GAD2: variants seen among roughly 807,000 people sequenced by gnomAD.
GAD2 encodes the protein glutamate decarboxylase 2.
GAD2 carries 22 observed loss-of-function variants against 80.1 expected under a neutral mutation model. That is an observed-to-expected ratio of 0.27 (90% confidence interval 0.20 to 0.39). The LOEUF (loss-of-function observed/expected upper bound fraction) is 0.39. Ranked by LOEUF, GAD2 falls within the 10% of genes least tolerant of loss-of-function variation. The pLI is 1.00. For synonymous variants in GAD2, 274 were observed against 256.9 expected, an observed-to-expected ratio of 1.07 and a Z score of -0.64; for missense variants, 624 against 738.4, an observed-to-expected ratio of 0.85 and a Z score of 1.80.
At chr10:26,273,866 A>C (rs977159514) in intron 11 of GAD2, among the ~76,000 whole-genome samples, 166 bp downstream of exon 11, 1 of 152,232 alleles carries the variant, frequency 6.6e-6, no homozygotes, top group Non-Finnish European at 1.5e-5. Context: ...GTGGGTAAAC[A>C]ACAGAAAAAT....
At chr10:26,235,543 T>C (rs1012611263) in intron 7 of GAD2, among the ~76,000 whole-genome samples, 1 of 152,178 alleles carries the variant, frequency 6.6e-6, no homozygotes, top group Non-Finnish European at 1.5e-5. Flanking sequence ...AAGACTAAAT[T>C]AAACAACTAG....
chr10:26,219,262 A>G lies in GAD2; in HGVS notation c.506A>G (p.Tyr169Cys). ...ATGCATTGCCAAACAACTCTAAAAT[A>G]TGCAATTAAAACAGGTATTGTCTCA... ...ILMHCQTTLKYAIKTGHPRYF... is the reference protein window; with the variant it reads ...ILMHCQTTLKCAIKTGHPRYF... The change falls in exon 4 of 16, where the codon TAT becomes TGT. Residue 169 changes from tyrosine (Y) to cysteine (C), a missense_variant. Physicochemically the swap from Tyr to Cys is radical, Grantham distance 194. Transcript: ENST00000376261. The G allele has an allele frequency of 6.2e-7, 1 of 1,604,904 alleles. No individual in the cohort carries two copies.
At chr10:26,221,077 C>A (rs1043652460) in intron 4 of GAD2, among the ~76,000 whole-genome samples, 2 of 152,180 alleles carry the variant, frequency 1.3e-5, no homozygotes, top group African/African-American at 2.4e-5. Context: ...TGGCCTTTTC[C>A]TTCAAATAGC....
chr10:26,296,232 C>G (rs1206262181), intron 15 of GAD2, among the ~76,000 whole-genome samples: 1 of 152,092 alleles, frequency 6.6e-6, no homozygotes, highest in Non-Finnish European at 1.5e-5. Context: ...GGCCCTATCT[C>G]CTAATATCAT....
chr10:26,222,915 A>C (rs967131466), intron 4 of GAD2, among the ~76,000 whole-genome samples: 2 of 152,234 alleles, frequency 1.3e-5, no homozygotes, highest in Admixed American at 1.3e-4. Context: ...ATCAGATGCT[A>C]TTTCCACAAT....
intron 13 of GAD2, among the ~76,000 whole-genome samples, chr10:26,289,408 C>T (rs11015028): frequency 0.23 from 35,699 of 151,970 alleles, 4,694 homozygotes; most frequent in African/African-American, 0.35. Flanking sequence ...TAAGATAAAC[C>T]CCATGAGAAA....
At chr10:26,218,038 G>A (rs1415327076) in intron 3 of GAD2, 47 bp downstream of exon 3, 1 of 1,528,160 alleles carries the variant, frequency 6.5e-7, no homozygotes, top group South Asian at 1.3e-5. Flanking sequence ...CCCTCTCTCT[G>A]CCCCGCCCAC....
intron 7 of GAD2, among the ~76,000 whole-genome samples, chr10:26,231,682 A>C (rs1169952763): frequency 6.6e-6 from 1 of 152,202 alleles, no homozygotes; most frequent in Non-Finnish European, 1.5e-5. Flanking sequence ...GTATTACCTT[A>C]TAGTTCTGGG....
chr10:26,291,622 C>T (rs994868347), intron 13 of GAD2, among the ~76,000 whole-genome samples: 3 of 152,176 alleles, frequency 2.0e-5, no homozygotes, highest in African/African-American at 7.2e-5. Flanking sequence ...GGAGAAGTTA[C>T]TGGTAGGCAG....
intron 15 of GAD2, among the ~76,000 whole-genome samples, chr10:26,293,193 T>TTTC (rs869296197): frequency 0.17 from 23,106 of 136,914 alleles, 1,963 homozygotes; most frequent in East Asian, 0.23. Flanking sequence ...TTTTTTTTTT[T>TTTC]TTGAGATGGA....
intron 13 of GAD2, 137 bp from the exon 14 acceptor site, chr10:26,292,328 C>T: frequency 1.6e-6 from 1 of 628,666 alleles, no homozygotes; most frequent in Non-Finnish European, 2.8e-6. Flanking sequence ...CTGAAAAAGC[C>T]TTTGGAAACA....
At chr10:26,243,142 C>A (rs1844764081) in intron 7 of GAD2, among the ~76,000 whole-genome samples, 1 of 152,072 alleles carries the variant, frequency 6.6e-6, no homozygotes, top group Admixed American at 6.6e-5. Context: ...TAATGACTGT[C>A]CACTTTGTCA....
At chr10:26,283,208 G>A (rs529490550) in intron 12 of GAD2, among the ~76,000 whole-genome samples, 3 of 152,298 alleles carry the variant, frequency 2.0e-5, no homozygotes, top group East Asian at 1.9e-4. Flanking sequence ...TGTAGCATTC[G>A]AAATATTCAC....
At chr10:26,244,249 G>A (rs1447878791) in intron 7 of GAD2, among the ~76,000 whole-genome samples, 1 of 152,214 alleles carries the variant, frequency 6.6e-6, no homozygotes, top group Non-Finnish European at 1.5e-5. Flanking sequence ...TGGTGAGGAT[G>A]TGGAGAAATT....
intron 11 of GAD2, among the ~76,000 whole-genome samples, chr10:26,276,330 C>G (rs1328139691): frequency 6.6e-6 from 1 of 152,074 alleles, no homozygotes; most frequent in Non-Finnish European, 1.5e-5. Flanking sequence ...ACGCCACAAA[C>G]CCTGAGACTC....
chr10:26,247,103 T>A (rs1201196577), intron 8 of GAD2, among the ~76,000 whole-genome samples: 2 of 152,242 alleles, frequency 1.3e-5, no homozygotes, highest in African/African-American at 4.8e-5. Context: ...AAAGAATGGC[T>A]ACTTCATAGA....
chr10:26,298,289 C>T (rs1457985545), intron 15 of GAD2, among the ~76,000 whole-genome samples: 1 of 152,180 alleles, frequency 6.6e-6, no homozygotes. Context: ...CACATATATT[C>T]ATCAGAATAG....
At chr10:26,291,516 T>C (rs1229447687) in intron 13 of GAD2, among the ~76,000 whole-genome samples, 1 of 152,210 alleles carries the variant, frequency 6.6e-6, no homozygotes, top group Admixed American at 6.5e-5. Flanking sequence ...CTGGGCTATG[T>C]TGGGCCCCCT....
intron 8 of GAD2, among the ~76,000 whole-genome samples, chr10:26,260,357 C>T (rs1275269273): frequency 2.6e-5 from 4 of 152,136 alleles, no homozygotes; most frequent in African/African-American, 4.8e-5. Context: ...CGGCTGGGTA[C>T]ATGGCTCACC....
Sources: allele counts gnomAD v4.1 joint callset (sites outside exome capture counted in the v4.1 genomes callset), GRCh38; gene constraint gnomAD v4.1.1; transcripts MANE v1.5; gene names NCBI Gene and HGNC (gene_info 2026-07-23, HGNC 2026-07-21).